RANBP2: variants seen among roughly 807,000 people sequenced by gnomAD.
RANBP2 encodes the protein RAN binding protein 2.
A neutral mutation model predicts 303.6 loss-of-function variants in RANBP2; 57 were observed. The observed-to-expected ratio is 0.19, with a 90% CI of 0.15 to 0.23. RANBP2 has a LOEUF of 0.23. Ranked by LOEUF, RANBP2 falls within the 10% of genes least tolerant of loss-of-function variation. RANBP2 has a pLI of 1.00. For synonymous variants in RANBP2, 1,167 were observed against 1,301.5 expected, an observed-to-expected ratio of 0.90 and a Z score of 2.23; for missense variants, 3,138 against 3,780.8, an observed-to-expected ratio of 0.83 and a Z score of 4.46.
chr2:109,683,774 G>T, the RANBP2 span, among the ~76,000 whole-genome samples: 1 of 152,062 alleles, frequency 6.6e-6, no homozygotes. Flanking sequence ...ACTCCTCAGG[G>T]CACTGTTGCT....
At chr2:109,218,896 A>G in the RANBP2 span, among the ~76,000 whole-genome samples, 1 of 152,234 alleles carries the variant, frequency 6.6e-6, no homozygotes, top group Non-Finnish European at 1.5e-5. Context: ...AGGTGGAGAA[A>G]GACAAGAACC....
chr2:109,488,036 T>C, the RANBP2 span, among the ~76,000 whole-genome samples: 2 of 152,154 alleles, frequency 1.3e-5, no homozygotes, highest in Non-Finnish European at 2.9e-5. Context: ...CCTTTTCCTT[T>C]GGACAACGCA....
the RANBP2 span, among the ~76,000 whole-genome samples, chr2:108,927,875 A>G: frequency 6.6e-6 from 1 of 152,120 alleles, no homozygotes; most frequent in Non-Finnish European, 1.5e-5. Flanking sequence ...ATGGCCAGTC[A>G]TGGAGACACC....
the RANBP2 span, among the ~76,000 whole-genome samples, chr2:109,000,901 C>T: frequency 9.9e-5 from 15 of 152,152 alleles, no homozygotes; most frequent in South Asian, 2.1e-4. Flanking sequence ...AAGCTGATGA[C>T]GAGACTGTTG....
chr2:109,046,010 T>A, the RANBP2 span, among the ~76,000 whole-genome samples: 26 of 152,104 alleles, frequency 1.7e-4, no homozygotes, highest in African/African-American at 4.8e-4. Flanking sequence ...ATTTATATTT[T>A]AAAAAAATCC....
downstream of RANBP2, among the ~76,000 whole-genome samples, chr2:108,789,907 TG>T (rs1301150302): frequency 6.6e-6 from 1 of 152,236 alleles, no homozygotes; most frequent in East Asian, 1.9e-4. Context: ...AGAAATGCTA[TG>T]GGTATCAAGA....
chr2:109,006,566 C>G, the RANBP2 span, among the ~76,000 whole-genome samples: 1 of 152,304 alleles, frequency 6.6e-6, no homozygotes, highest in East Asian at 1.9e-4. Context: ...TTAAAATACA[C>G]TTGCGAGTCG....
In RANBP2 at chr2:108,783,943, T is replaced by G. The variant is rs549289062; in HGVS notation, c.*42T>G. On this transcript the variant is annotated 3_prime_UTR_variant, in exon 29 of 29. Transcript: ENST00000283195. ...AGAAAATTTCATCTGTATAAGCAGT[T>G]GGATTGAAGCTTAGCTATTACAATT... 6.5e-7 allele frequency: 1 copy of G among 1,536,242 alleles called. No individual in the cohort carries two copies. The highest frequency in any genetic ancestry group is 2.3e-5 in the East Asian group (1 of 44,416).
the RANBP2 span, among the ~76,000 whole-genome samples, chr2:108,817,270 T>C: frequency 1.0e-3 from 155 of 152,050 alleles, no homozygotes; most frequent in Non-Finnish European, 2.0e-3. Context: ...AAGAGGGCCA[T>C]GAGACATGGA....
Position 108,768,038 on chromosome 2 carries a change from C to T in RANBP2, c.7499C>T (p.Thr2500Ile), listed in dbSNP as rs140280672. 2,576 of 1,612,012 alleles carry T rather than the reference C, an allele frequency of 1.6e-3. 26 individuals are homozygous for T. The highest frequency in any genetic ancestry group is 0.012 in the Middle Eastern group (52 of 4,430). The change falls in exon 20 of 29, where the codon ACA becomes ATA. Residue 2500 changes from threonine (T) to isoleucine (I), a missense_variant. Physicochemically the swap from Thr to Ile is moderately conservative, Grantham distance 89. Coordinates refer to ENST00000283195, the MANE Select transcript of RANBP2 (RefSeq NM_006267.5). ...DATSEVEVSS[T>I]SETTPKAVVS... ...ACTTCAGAAGTTGAAGTGTCTAGCA[C>T]ATCTGAAACAACACCAAAAGCAGTG...
At chr2:109,641,698 G>T in the RANBP2 span, among the ~76,000 whole-genome samples, 14 of 152,322 alleles carry the variant, frequency 9.2e-5, no homozygotes, top group African/African-American at 3.1e-4. Flanking sequence ...ACTGCATCTG[G>T]CTGATGTATC....
At chr2:109,013,063 C>A in the RANBP2 span, among the ~76,000 whole-genome samples, 1 of 152,216 alleles carries the variant, frequency 6.6e-6, no homozygotes, top group African/African-American at 2.4e-5. Context: ...CACCTAACAC[C>A]TTATTTAAGA....
At chr2:108,910,585 T>A in the RANBP2 span, 1 of 1,512,304 alleles carries the variant, frequency 6.6e-7, no homozygotes, top group African/African-American at 1.4e-5. Context: ...GGCTCATGGC[T>A]CTGCGCTCAG....
At chr2:108,858,570 A>G in the RANBP2 span, among the ~76,000 whole-genome samples, 1 of 152,146 alleles carries the variant, frequency 6.6e-6, no homozygotes, top group Non-Finnish European at 1.5e-5. Flanking sequence ...AGCCAGTACG[A>G]TTTATTAGAG....
the RANBP2 span, among the ~76,000 whole-genome samples, chr2:109,373,565 G>T: frequency 6.6e-6 from 1 of 151,918 alleles, no homozygotes; most frequent in African/African-American, 2.4e-5. Context: ...AGTAAATGCC[G>T]TATGGGTTTT....
At chr2:109,134,036 G>C in the RANBP2 span, among the ~76,000 whole-genome samples, 3 of 152,270 alleles carry the variant, frequency 2.0e-5, no homozygotes, top group East Asian at 5.8e-4. Flanking sequence ...CATGTTCTTT[G>C]GGTCTCGACA....
At chr2:109,157,028 A>G in the RANBP2 span, among the ~76,000 whole-genome samples, 1 of 152,168 alleles carries the variant, frequency 6.6e-6, no homozygotes, top group Admixed American at 6.5e-5. Flanking sequence ...TCATTTTTCC[A>G]TCATAGGATT....
At chr2:109,289,018 T>C in the RANBP2 span, among the ~76,000 whole-genome samples, 5 of 152,222 alleles carry the variant, frequency 3.3e-5, no homozygotes, top group Middle Eastern at 3.2e-3. Flanking sequence ...GAAAATGGCA[T>C]TGTGTTGCTC....
At chr2:109,428,974 C>T in the RANBP2 span, among the ~76,000 whole-genome samples, 16 of 152,296 alleles carry the variant, frequency 1.1e-4, no homozygotes, top group African/African-American at 3.4e-4. Context: ...GTGCAGGGGA[C>T]GCCATCCAGC....
Sources: allele counts gnomAD v4.1 joint callset (sites outside exome capture counted in the v4.1 genomes callset), GRCh38; gene constraint gnomAD v4.1.1; transcripts MANE v1.5; gene names NCBI Gene and HGNC (gene_info 2026-07-23, HGNC 2026-07-21).